HSPG2: variants seen among roughly 807,000 people sequenced by gnomAD.
The protein encoded by HSPG2 is basement membrane-specific heparan sulfate proteoglycan core protein.
HSPG2 carries 278 observed loss-of-function variants against 526.6 expected under a neutral mutation model. The ratio of observed to expected loss-of-function variants is 0.53; its 90% confidence interval spans 0.48 to 0.58. The LOEUF (loss-of-function observed/expected upper bound fraction) is 0.58, where lower values mean the gene tolerates loss of function less well. HSPG2 is among the 20% of genes least tolerant of loss of function. The probability of loss-of-function intolerance (pLI) is 0.00; values close to 1 mark genes in which losing one functional copy is unlikely to be tolerated. For missense variants in HSPG2, 5,354 were observed against 6,099.5 expected (o/e 0.88, Z 4.07); for synonymous variants, 2,465 against 2,555.4 (o/e 0.96, Z 1.07).
At chr1:21,909,648 G>C (rs934886318) in intron 1 of HSPG2, among the ~76,000 whole-genome samples, 1 of 152,228 alleles carries the variant, frequency 6.6e-6, no homozygotes, top group Admixed American at 6.5e-5. Context: ...AGGGGCAGAG[G>C]CTACAGTGAT....
rs574059236 is a variant in HSPG2 at position 21,909,466 on chromosome 1, A to G, written c.64-13156T>C. On this transcript the variant is annotated intron_variant, in intron 1 of 96. Transcript: ENST00000374695. ...GAAACCTGACCAGTCCCTAGATTCC[A>G]TGTCTCACAATGTAAAAACAAACCA... Among the ~76,000 whole-genome samples the G allele has an allele frequency of 1.3e-4, 20 of 152,322 alleles. No homozygotes were observed. In the South Asian group the frequency reaches 4.1e-3, roughly 32 times the overall value.
At chr1:21,910,895 G>A (rs1440868173) in intron 1 of HSPG2, among the ~76,000 whole-genome samples, 1 of 152,160 alleles carries the variant, frequency 6.6e-6, no homozygotes, top group African/African-American at 2.4e-5. Flanking sequence ...TATTTCACAA[G>A]CAAGAAAACG....
Position 21,860,393 on chromosome 1 carries a change from G to A in HSPG2, c.4956-158C>T, listed in dbSNP as rs557767127. Reference sequence around the variant, plus strand: ...GGGGACCAGACAGGCCCCAACGCAGGGTGCTGGTGAACTGAGAAAGGGGAG... The same window carrying A: ...GGGGACCAGACAGGCCCCAACGCAGAGTGCTGGTGAACTGAGAAAGGGGAG... On this transcript the variant is annotated intron_variant, in intron 39 of 96. Transcript: ENST00000374695. 2.0e-5 allele frequency among the ~76,000 whole-genome samples: 3 copies of A among 152,330 alleles called. 1 individual carries two copies. The South Asian group carries it at 6.2e-4, about 32-fold the overall frequency.
rs562342066 is a variant in HSPG2 at position 21,904,922 on chromosome 1, C to T, written c.64-8612G>A. 2.0e-5 allele frequency among the ~76,000 whole-genome samples: 3 copies of T among 152,324 alleles called. No homozygotes were observed. Among genetic ancestry groups the T allele is most frequent in the South Asian group, 2.1e-4 (1 of 4,832 alleles). On this transcript the variant is annotated intron_variant, in intron 1 of 96. Transcript: ENST00000374695. The surrounding 1 kb of genome is among the most constrained non-coding windows in gnomAD (Gnocchi z 4.4). ...CAACCTGGTTGGGCCTGCCCATACC[C>T]TCCTGGGTCACTGCCCACAGATTTC...
Position 21,885,064 on chromosome 1 carries a change from G to T in HSPG2, c.1304C>A (p.Thr435Asn), listed in dbSNP as rs760562821. The change falls in exon 11 of 97, where the codon ACC (threonine) becomes AAC (asparagine). Residue 435 changes from threonine (T) to asparagine (N), a missense_variant. Physicochemically the swap from Thr to Asn is moderately conservative, Grantham distance 65. Transcript: ENST00000374695. The part of the protein sequence containing the change: ...TFTCVAIGVP[T>N]PIINWRLNWG... ...GTTGAGCCTCCAATTGATGATGGGGGTGGGGACGCCAATGGCCACGCAGGT... is the reference window on the plus strand; with the variant it reads ...GTTGAGCCTCCAATTGATGATGGGGTTGGGGACGCCAATGGCCACGCAGGT... 1.9e-6 allele frequency: 3 copies of T among 1,613,794 alleles called. No homozygotes were observed. The African/African-American group carries it at 4.0e-5, about 22-fold the overall frequency.
At chr1:21,888,712 G>A (rs778214164) in intron 6 of HSPG2, 16 of 1,365,300 alleles carry the variant, frequency 1.2e-5, no homozygotes, top group African/African-American at 3.0e-5. Context: ...GGGTGGGGGG[G>A]TCTGTGCTGG....
At chr1:21,935,001 G>A (rs1644449298) in intron 1 of HSPG2, among the ~76,000 whole-genome samples, 1 of 151,928 alleles carries the variant, frequency 6.6e-6, no homozygotes, top group South Asian at 2.1e-4. Context: ...CCGCCTCCTG[G>A]GTTCAAGCGA....
chr1:21,842,222 G>T lies in HSPG2; in HGVS notation c.9052+17C>A, dbSNP rs2098051585. ...GCCCTCCCTTCCCCCCTTGCCCATG[G>T]CATCTGCCATACTCACGGTAGGAAG... On this transcript the variant is annotated intron_variant, in intron 68 of 96. Coordinates refer to ENST00000374695, the MANE Select transcript of HSPG2 (RefSeq NM_005529.7). The T allele has an allele frequency of 6.2e-7, 1 of 1,613,114 alleles. No individual in the cohort carries two copies. Among genetic ancestry groups the T allele is most frequent in the Admixed American group, 1.7e-5 (1 of 59,986 alleles).
chr1:21,930,942 CAA>C (rs1266783835), intron 1 of HSPG2, among the ~76,000 whole-genome samples: 1 of 152,246 alleles, frequency 6.6e-6, no homozygotes, highest in Non-Finnish European at 1.5e-5. Flanking sequence ...AAACCCAGAG[CAA>C]CAGGACACCC....
rs1457880548 is a variant in HSPG2 at position 21,880,798 on chromosome 1, C to T, written c.1856G>A (p.Arg619His). The change falls in exon 15 of 97, where the codon CGC (arginine) becomes CAC (histidine). Residue 619 changes from arginine (R) to histidine (H), a missense_variant. Coordinates refer to ENST00000374695, the MANE Select transcript of HSPG2 (RefSeq NM_005529.7). Reference sequence around the variant, plus strand: ...CAGCATGCCACGGGCCAACTCGTAGCGCACGTTGTAACGCAGGGAGCCGCC... The same window carrying T: ...CAGCATGCCACGGGCCAACTCGTAGTGCACGTTGTAACGCAGGGAGCCGCC... ...SYGGSLRYNV[R>H]YELARGMLEP... The T allele has an allele frequency of 6.9e-6, 11 of 1,597,418 alleles. No individual in the cohort carries two copies. The highest frequency in any genetic ancestry group is 2.3e-5 in the East Asian group (1 of 44,050).
In HSPG2 at chr1:21,828,282, G is replaced by A; in HGVS notation, c.12382C>T (p.Gln4128Ter). The change falls in exon 89 of 97, where the codon CAG becomes TAG. Residue 4128 changes from glutamine (Q) to a stop codon, truncating the protein, a stop_gained. Coordinates refer to ENST00000374695, the MANE Select transcript of HSPG2 (RefSeq NM_005529.7). LOFTEE classifies it high-confidence loss of function. This position sits in a 1 kb window ranked among gnomAD's most constrained non-coding sequence, Gnocchi z 6.0. ...TCMPAGEYEFQCLCRDGFKGD... is the reference protein window; with the variant it reads ...TCMPAGEYEF ...TTGAATCCATCTCGACACAGGCACT[G>A]GAACTCATACTCGCCAGCGGGCATG... The A allele has an allele frequency of 6.2e-7, 1 of 1,613,812 alleles. No homozygotes were observed. The highest frequency in any genetic ancestry group is 8.5e-7 in the Non-Finnish European group (1 of 1,180,044).
At chr1:21,873,575 G>T in intron 29 of HSPG2, 151 bp from the exon 30 acceptor site, 1 of 810,602 alleles carries the variant, frequency 1.2e-6, no homozygotes, top group Non-Finnish European at 2.1e-6. Context: ...ACTGGGCAGA[G>T]AAGAGCAGGG....
chr1:21,861,883 AATCTCC>A, intron 38 of HSPG2, 40 bp from the exon 39 acceptor site: 1 of 1,613,502 alleles, frequency 6.2e-7, no homozygotes, highest in Non-Finnish European at 8.5e-7. Context: ...TGGGAAGCCC[AATCTCC>A]ATCTTGCTCC....
chr1:21,888,008 C>A lies in HSPG2; in HGVS notation c.633G>T (p.Glu211Asp), dbSNP rs1026993411. 2 of 1,614,072 alleles carry A rather than the reference C, an allele frequency of 1.2e-6. No homozygotes were observed. The highest frequency in any genetic ancestry group is 2.7e-5 in the African/African-American group (2 of 74,936). Residue 211 changes from glutamate (E) to aspartate (D), a missense_variant, in exon 7 of 97, where the codon GAG becomes GAT. Transcript: ENST00000374695. ...EAEFACHSYN[E>D]CVALEYRCDR... Reference sequence around the variant, plus strand: ...CACAGCGATACTCCAGGGCCACACACTCATTGTAGCTGTGGCAGGCAAACT... The same window carrying A: ...CACAGCGATACTCCAGGGCCACACAATCATTGTAGCTGTGGCAGGCAAACT...
At chr1:21,937,049 C>T in intron 1 of HSPG2, 106 bp downstream of exon 1, 1 of 342,972 alleles carries the variant, frequency 2.9e-6, no homozygotes, top group Non-Finnish European at 4.2e-6. Context: ...GTCCCCGCCG[C>T]GCAGCCTTGG....
In HSPG2 at chr1:21,893,076, G is replaced by A. The variant is rs1642481568; in HGVS notation, c.245-2382C>T. Reference sequence around the variant, plus strand: ...TGCACTCAGGGTAGAAGTGGGGGCTGCACACCTGACTAGCCCTGGCCCCGG... The same window carrying A: ...TGCACTCAGGGTAGAAGTGGGGGCTACACACCTGACTAGCCCTGGCCCCGG... On this transcript the variant is annotated intron_variant, in intron 3 of 96. Transcript: ENST00000374695. The surrounding 1 kb of genome is among the most constrained non-coding windows in gnomAD (Gnocchi z 4.3). 6.6e-6 allele frequency among the ~76,000 whole-genome samples: 1 copy of A among 152,082 alleles called. No homozygotes were observed. The highest frequency in any genetic ancestry group is 2.1e-4 in the South Asian group (1 of 4,828).
intron 42 of HSPG2, among the ~76,000 whole-genome samples, chr1:21,857,686 G>T (rs1639450791): frequency 6.6e-6 from 1 of 152,062 alleles, no homozygotes; most frequent in African/African-American, 2.4e-5. Context: ...CTCCAACTGG[G>T]TTTCTCCGTC....
chr1:21,840,982 C>A, intron 71 of HSPG2, 119 bp downstream of exon 71: 1 of 870,532 alleles, frequency 1.1e-6, no homozygotes, highest in South Asian at 1.5e-5. Flanking sequence ...CCCATTCCTC[C>A]CTTCCTCTCT....
At position 21,898,684 on chromosome 1, in the gene HSPG2, C is replaced by T. The variant is rs940107720; in HGVS notation, c.64-2374G>A. Among the ~76,000 whole-genome samples, 3 of 152,186 alleles carry T rather than the reference C, an allele frequency of 2.0e-5. No homozygotes were observed. Among genetic ancestry groups the T allele is most frequent in the African/African-American group, 4.8e-5 (2 of 41,460 alleles). On this transcript the variant is annotated intron_variant, in intron 1 of 96. Coordinates refer to ENST00000374695, the MANE Select transcript of HSPG2 (RefSeq NM_005529.7). The surrounding 1 kb of genome is among the most constrained non-coding windows in gnomAD (Gnocchi z 4.0). ...GCTGGAGCAGGCCTGACTGACCCAA[C>T]GTGGGTATGAGGCTGGGGCTGGTGC...
Sources: gnomAD v4.1 joint callset for allele counts (sites outside exome capture counted in the v4.1 genomes callset) on GRCh38, gnomAD v4.1.1 for gene constraint, Gnocchi (gnomAD v3.1) non-coding constraint, MANE v1.5 for transcripts, NCBI Gene and HGNC (gene_info 2026-07-23, HGNC 2026-07-21) for gene names.